Variants in ZMAT1 observed in about 807,000 individuals in gnomAD.
ZMAT1 encodes zinc finger matrin-type 1.
In ZMAT1, 11 loss-of-function variants were observed where a neutral mutation model predicts 18.5. The observed-to-expected ratio is 0.59, with a 90% CI of 0.37 to 0.98. The LOEUF is 0.98. Among genes scored for constraint, ZMAT1 ranks in the 50% least tolerant of loss-of-function variants. The pLI, the probability that ZMAT1 is intolerant of heterozygous loss-of-function variation, is 0.01. For synonymous variants in ZMAT1, 211 were observed against 176.4 expected, an observed-to-expected ratio of 1.20 and a Z score of -1.55; for missense variants, 525 against 496.2, an observed-to-expected ratio of 1.06 and a Z score of -0.55.
chrX:101,901,416 C>T (rs1928224324), intron 2 of ZMAT1, among the ~76,000 whole-genome samples: 1 of 111,004 alleles, frequency 9.0e-6, no homozygotes, highest in Admixed American at 9.6e-5. Flanking sequence ...TTCAACTTTT[C>T]CCTATTCAGT....
At chrX:101,913,286 C>T (rs1237604540) in intron 1 of ZMAT1, among the ~76,000 whole-genome samples, 1 of 110,621 alleles carries the variant, frequency 9.0e-6, no homozygotes, top group Non-Finnish European at 1.9e-5. Flanking sequence ...AAGAGAAGAC[C>T]ACAAAACAAC....
At chrX:101,890,190 G>A (rs1291102298) in intron 4 of ZMAT1, 1 of 111,848 alleles carries the variant, frequency 8.9e-6, no homozygotes, top group Non-Finnish European at 1.9e-5. Context: ...TAAACAATTT[G>A]CAAATATGAA....
At chrX:101,929,565 G>A (rs1930349251) in intron 1 of ZMAT1, among the ~76,000 whole-genome samples, 2 of 108,007 alleles carry the variant, frequency 1.9e-5, no homozygotes, top group Admixed American at 1.0e-4. Context: ...TTTGTTAAGT[G>A]AAAAGGTGAG....
At chrX:101,929,423 TTATATATA>T (rs771032732) in intron 1 of ZMAT1, among the ~76,000 whole-genome samples, 21,262 of 70,530 alleles carry the variant, frequency 0.3, 2,468 homozygotes, top group Non-Finnish European at 0.39. Context: ...TAGAGAGAGA[TTATATATA>T]TATATATATA....
intron 1 of ZMAT1, among the ~76,000 whole-genome samples, chrX:101,907,793 C>T (rs1487465415): frequency 1.8e-5 from 2 of 111,194 alleles, no homozygotes; most frequent in African/African-American, 6.5e-5. Flanking sequence ...AATGTAATAG[C>T]ATCAACCTCA....
At chrX:101,918,451 C>G (rs1037345534) in intron 1 of ZMAT1, 3 of 97,889 alleles carry the variant, frequency 3.1e-5, no homozygotes, top group Non-Finnish European at 4.0e-5. Flanking sequence ...AAAATACACA[C>G]ACACACACAC....
intron 1 of ZMAT1, among the ~76,000 whole-genome samples, chrX:101,926,240 T>C (rs1018978427): frequency 7.1e-5 from 8 of 112,057 alleles, no homozygotes; most frequent in Non-Finnish European, 1.5e-4. Context: ...TATGTTGATA[T>C]AAAATACTCA....
At chrX:101,896,590 T>C (rs1219024010) in intron 4 of ZMAT1, among the ~76,000 whole-genome samples, 1 of 112,508 alleles carries the variant, frequency 8.9e-6, no homozygotes, top group Non-Finnish European at 1.9e-5. Context: ...GCTGGGTGAC[T>C]ATGAGTTCAA....
chrX:101,916,238 T>TG (rs1929322638), intron 1 of ZMAT1, among the ~76,000 whole-genome samples: 1 of 86,338 alleles, frequency 1.2e-5, no homozygotes, highest in Admixed American at 1.4e-4. Context: ...CGGGGCCAGT[T>TG]GGGGGGTGGG....
At chrX:101,919,034 A>T (rs1447227955) in intron 1 of ZMAT1, among the ~76,000 whole-genome samples, 6 of 110,642 alleles carry the variant, frequency 5.4e-5, no homozygotes, top group Non-Finnish European at 9.5e-5. Flanking sequence ...CTTTTTTTTT[A>T]ATCAAATGGC....
At chrX:101,926,161 A>G (rs1414262856) in intron 1 of ZMAT1, among the ~76,000 whole-genome samples, 1 of 112,200 alleles carries the variant, frequency 8.9e-6, no homozygotes, top group African/African-American at 3.2e-5. Context: ...GATGTTCTTA[A>G]GTCAGTAAGA....
At chrX:101,929,399 ATATATT>A (rs1930276167) in intron 1 of ZMAT1, among the ~76,000 whole-genome samples, 3 of 91,518 alleles carry the variant, frequency 3.3e-5, no homozygotes, top group South Asian at 5.2e-4. Flanking sequence ...GCATATATAT[ATATATT>A]CTATATATAG....
intron 1 of ZMAT1, 28 bp downstream of exon 1, chrX:101,931,689 G>A (rs1286808889): frequency 2.6e-6 from 2 of 755,551 alleles, no homozygotes; most frequent in Non-Finnish European, 3.1e-6. Flanking sequence ...AGATGGGGCC[G>A]CCCCCGCACC....
intron 4 of ZMAT1, among the ~76,000 whole-genome samples, chrX:101,891,325 C>T (rs1927376915): frequency 9.0e-6 from 1 of 111,527 alleles, no homozygotes; most frequent in African/African-American, 3.3e-5. Context: ...GTGGTGATCC[C>T]ATTAACTGAA....
At position 101,898,225 on chromosome X, in the gene ZMAT1, A is replaced by G. The variant is rs1202240948; in HGVS notation, c.400-5T>C. The G allele has an allele frequency of 2.5e-6, 3 of 1,187,139 alleles. No homozygotes were observed. Among genetic ancestry groups the G allele is most frequent in the African/African-American group, 1.8e-5 (1 of 56,787 alleles). ...ATTTTGAGCATGTTTTTCACCCTGA[A>G]AAAAGATATAATATGACTTTGTTTA... On this transcript the variant is annotated splice_region_variant and splice_polypyrimidine_tract_variant and intron_variant, in intron 2 of 5. Coordinates refer to ENST00000651725, the MANE Select transcript of ZMAT1 (RefSeq NM_001394560.1).
At position 101,883,713 on chromosome X, in the gene ZMAT1, T is replaced by C; in HGVS notation, c.1885A>G (p.Lys629Glu). 8.3e-7 allele frequency: 1 copy of C among 1,207,206 alleles called. No individual in the cohort carries two copies. ...KKSYEDTDLD[K>E]DKSIRQRKRE... ...TTCCTTTGTCTGATGCTCTTGTCTT[T>C]GTCTAAATCTGTATCTTCATAACTC... Residue 629 changes from lysine (K) to glutamate (E), a missense_variant, in exon 6 of 6, where the codon AAA becomes GAA. Physicochemically the swap from Lys to Glu is moderately conservative, Grantham distance 56 (BLOSUM62 1). Transcript: ENST00000651725.
intron 1 of ZMAT1, among the ~76,000 whole-genome samples, chrX:101,926,315 A>G (rs1283750600): frequency 8.9e-6 from 1 of 112,179 alleles, no homozygotes; most frequent in African/African-American, 3.2e-5. Context: ...ACTTGACAGA[A>G]ACTTACTTTT....
chrX:101,912,128 T>C, intron 1 of ZMAT1: 1 of 903,899 alleles, frequency 1.1e-6, no homozygotes. Flanking sequence ...AGCTCATCCT[T>C]TTCTAGATTT....
chrX:101,890,576 G>A (rs1297799153), intron 4 of ZMAT1, among the ~76,000 whole-genome samples: 3 of 111,382 alleles, frequency 2.7e-5, no homozygotes, highest in Non-Finnish European at 5.7e-5. Context: ...TAGATGCCAG[G>A]GATACAAGAT....
Sources: gnomAD v4.1 joint callset for allele counts (sites outside exome capture counted in the v4.1 genomes callset) on GRCh38, gnomAD v4.1.1 for gene constraint, MANE v1.5 for transcripts, NCBI Gene and HGNC (gene_info 2026-07-23, HGNC 2026-07-21) for gene names.